Variants in SPOCK3 observed in about 807,000 individuals in gnomAD.
The protein encoded by SPOCK3 is SPARC (osteonectin), cwcv and kazal like domains proteoglycan 3.
A neutral mutation model predicts 56.6 loss-of-function variants in SPOCK3; 30 were observed. That is an observed-to-expected ratio of 0.53 (90% CI 0.40 to 0.72). The LOEUF is 0.72. SPOCK3 is among the 30% of genes least tolerant of loss of function. SPOCK3 has a pLI of 0.00. For synonymous variants in SPOCK3, 196 were observed against 183.3 expected (o/e 1.07, Z -0.56); for missense variants, 527 against 530.0 (o/e 0.99, Z 0.06).
At chr4:166,748,977 T>A (rs1736013214) in intron 8 of SPOCK3, among the ~76,000 whole-genome samples, 1 of 136,952 alleles carries the variant, frequency 7.3e-6, no homozygotes, top group Non-Finnish European at 1.5e-5. Flanking sequence ...CATTAAAAAG[T>A]CAGGAAACAA....
chr4:166,958,949 G>T (rs187207785), intron 4 of SPOCK3, among the ~76,000 whole-genome samples: 1 of 152,190 alleles, frequency 6.6e-6, no homozygotes, highest in Admixed American at 6.5e-5. Flanking sequence ...GTTGGGGAAG[G>T]GAAGAGAGTG....
intron 6 of SPOCK3, among the ~76,000 whole-genome samples, chr4:166,809,920 T>A (rs561573616): frequency 3.3e-5 from 5 of 152,210 alleles, no homozygotes; most frequent in Admixed American, 2.6e-4. Context: ...AAACAAAAAT[T>A]TCTTCGTACC....
chr4:167,109,419 AAAT>A (rs1362773143), intron 2 of SPOCK3, among the ~76,000 whole-genome samples: 3,608 of 92,504 alleles, frequency 0.039, 94 homozygotes, highest in African/African-American at 0.048. Context: ...ATATATATAT[AAAT>A]ATATATATGA....
chr4:167,116,909 G>GTATATATATATATATATA lies in SPOCK3; in HGVS notation c.190-54373_190-54372insTATATATATATATATATA, dbSNP rs1446671235. ...TATACATATATACTTTTGTGTGTGT[G>GTATATATATATATATATA]TGTGTATATATATATATATATATAC... On this transcript the variant is annotated intron_variant, in intron 2 of 10. Coordinates refer to ENST00000357545, the MANE Select transcript of SPOCK3 (RefSeq NM_001040159.2). Among the ~76,000 whole-genome samples, 1,185 of 123,016 alleles carry GTATATATATATATATATA rather than the reference G, an allele frequency of 9.6e-3. 23 individuals carry two copies. Among genetic ancestry groups the GTATATATATATATATATA allele is most frequent in the Middle Eastern group, 0.041 (7 of 170 alleles). The allele number at this position is 123,016 out of a possible 152,430, so 80.7% of individuals were successfully genotyped here.
intron 2 of SPOCK3, among the ~76,000 whole-genome samples, chr4:167,186,493 G>A (rs1204661583): frequency 1.3e-5 from 2 of 151,832 alleles, no homozygotes; most frequent in East Asian, 1.9e-4. Context: ...TGAGCGTGGT[G>A]GTGGGCGCCT....
At chr4:166,753,698 C>A (rs549175007) in intron 8 of SPOCK3, among the ~76,000 whole-genome samples, 2 of 152,134 alleles carry the variant, frequency 1.3e-5, no homozygotes, top group African/African-American at 4.8e-5. Flanking sequence ...AAAGCATTGA[C>A]AACAGCAGGC....
At chr4:166,959,630 A>G (rs78091638) in intron 4 of SPOCK3, among the ~76,000 whole-genome samples, 2 of 152,058 alleles carry the variant, frequency 1.3e-5, no homozygotes, top group Admixed American at 1.3e-4. Context: ...AAAAAAAAAA[A>G]AGACTGAATT....
At chr4:166,957,478 C>T (rs1361366668) in intron 4 of SPOCK3, among the ~76,000 whole-genome samples, 2 of 152,168 alleles carry the variant, frequency 1.3e-5, no homozygotes, top group African/African-American at 4.8e-5. Context: ...TCATTCTTCT[C>T]CATCTCACTT....
At chr4:166,994,117 C>A (rs1048168154) in intron 4 of SPOCK3, among the ~76,000 whole-genome samples, 1 of 152,052 alleles carries the variant, frequency 6.6e-6, no homozygotes, top group Non-Finnish European at 1.5e-5. Context: ...AACAAAGGAA[C>A]AAGTGGGCAG....
At chr4:166,993,655 A>C (rs1316974803) in intron 4 of SPOCK3, among the ~76,000 whole-genome samples, 1 of 152,116 alleles carries the variant, frequency 6.6e-6, no homozygotes, top group Non-Finnish European at 1.5e-5. Context: ...GACAGGAGTA[A>C]ATCAATTTTC....
At chr4:167,205,135 AT>A (rs1392314433) in intron 2 of SPOCK3, among the ~76,000 whole-genome samples, 21 of 117,570 alleles carry the variant, frequency 1.8e-4, no homozygotes, top group Non-Finnish European at 3.5e-4. Context: ...GAAAAAAAAA[AT>A]ACATATATAT....
intron 3 of SPOCK3, among the ~76,000 whole-genome samples, chr4:167,042,663 C>A (rs1469429674): frequency 6.6e-6 from 1 of 152,078 alleles, no homozygotes; most frequent in African/African-American, 2.4e-5. Flanking sequence ...ATACTTACAC[C>A]ACCCCCTATA....
At chr4:166,818,993 T>C (rs1359169614) in intron 6 of SPOCK3, among the ~76,000 whole-genome samples, 2 of 152,070 alleles carry the variant, frequency 1.3e-5, no homozygotes, top group Admixed American at 6.6e-5. Context: ...AAATTACCAC[T>C]GATTTTTAGC....
chr4:166,897,915 T>A (rs1331115346), intron 5 of SPOCK3, among the ~76,000 whole-genome samples: 1 of 152,050 alleles, frequency 6.6e-6, no homozygotes, highest in African/African-American at 2.4e-5. Flanking sequence ...CTAGTCTGGG[T>A]GTCATGGCTT....
intron 2 of SPOCK3, chr4:167,083,252 A>C (rs747116398): frequency 1.3e-6 from 1 of 765,314 alleles, no homozygotes; most frequent in Non-Finnish European, 2.4e-6. Flanking sequence ...ACTTCCTCAG[A>C]CTTTCCCTAA....
chr4:166,805,644 T>G (rs1435820424), intron 6 of SPOCK3, among the ~76,000 whole-genome samples: 2 of 152,124 alleles, frequency 1.3e-5, no homozygotes, highest in Non-Finnish European at 2.9e-5. Context: ...CTTTTACTTC[T>G]GCATAATATT....
intron 7 of SPOCK3, among the ~76,000 whole-genome samples, chr4:166,789,737 T>C (rs1027073218): frequency 5.9e-5 from 9 of 152,190 alleles, no homozygotes; most frequent in Non-Finnish European, 1.3e-4. Context: ...TGAAATATAA[T>C]GGCATATTCA....
At chr4:167,163,531 TCTAA>T (rs1011259501) in intron 2 of SPOCK3, among the ~76,000 whole-genome samples, 2 of 152,006 alleles carry the variant, frequency 1.3e-5, no homozygotes, top group Non-Finnish European at 2.9e-5. Context: ...ATTTTATTCA[TCTAA>T]CTATGTTTTT....
intron 7 of SPOCK3, among the ~76,000 whole-genome samples, chr4:166,768,156 T>C (rs1424225871): frequency 6.6e-6 from 1 of 152,206 alleles, no homozygotes; most frequent in East Asian, 1.9e-4. Flanking sequence ...TGCCAGTCTG[T>C]GTCTTTTAAT....
Sources: gnomAD v4.1 joint callset for allele counts (sites outside exome capture counted in the v4.1 genomes callset) on GRCh38, gnomAD v4.1.1 for gene constraint, MANE v1.5 for transcripts, NCBI Gene and HGNC (gene_info 2026-07-23, HGNC 2026-07-21) for gene names.